Variants in ASTN2 observed in about 807,000 individuals in gnomAD.
ASTN2 encodes astrotactin 2, also known as astrotactin-2.
ASTN2 carries 54 observed loss-of-function variants against 139.8 expected under a neutral mutation model. That is an observed-to-expected ratio of 0.39 (90% CI 0.31 to 0.48). The LOEUF is 0.48. Among genes scored for constraint, ASTN2 ranks in the 20% least tolerant of loss-of-function variants. The pLI, the probability that ASTN2 is intolerant of heterozygous loss-of-function variation, is 0.95. For synonymous variants in ASTN2, 756 were observed against 719.5 expected, an observed-to-expected ratio of 1.05 and a Z score of -0.81; for missense variants, 1,565 against 1,725.1, an observed-to-expected ratio of 0.91 and a Z score of 1.64.
chr9:117,210,741 A>G (rs942469752), intron 3 of ASTN2, among the ~76,000 whole-genome samples: 1 of 152,122 alleles, frequency 6.6e-6, no homozygotes, highest in Non-Finnish European at 1.5e-5. Context: ...AAACCAAACA[A>G]GGACACACAC....
chr9:116,990,046 G>T (rs1198927814), intron 7 of ASTN2, among the ~76,000 whole-genome samples: 3 of 151,946 alleles, frequency 2.0e-5, no homozygotes, highest in African/African-American at 7.3e-5. Flanking sequence ...AGAATGCTCT[G>T]CAGTAAAAAT....
chr9:116,901,752 T>C lies in ASTN2; in HGVS notation c.1890-38019A>G, dbSNP rs570092900. Among the ~76,000 whole-genome samples, 15 of 152,336 alleles carry C rather than the reference T, an allele frequency of 9.8e-5. No homozygotes were observed. In the East Asian group the frequency reaches 1.2e-3, roughly 12 times the overall value. On this transcript the variant is annotated intron_variant, in intron 10 of 22. Coordinates refer to ENST00000313400, the MANE Select transcript of ASTN2 (RefSeq NM_001365068.1). Reference sequence around the variant, plus strand: ...TATATCTTTTAAAAGTTAACTGTTATAGGCCAGGCACGGTGGCTCACGCCT... The same window carrying C: ...TATATCTTTTAAAAGTTAACTGTTACAGGCCAGGCACGGTGGCTCACGCCT...
chr9:117,365,315 A>AGAAAGAAAGAAAGAAAGAAAG (rs1564168102), intron 1 of ASTN2, among the ~76,000 whole-genome samples: 4 of 147,480 alleles, frequency 2.7e-5, no homozygotes, highest in Admixed American at 2.7e-4. Flanking sequence ...AAGAAAGAAA[A>AGAAAGAAAGAAAGAAAGAAAG]AGAAAGAAAG....
At chr9:117,075,096 C>T (rs970295672) in intron 5 of ASTN2, among the ~76,000 whole-genome samples, 4 of 152,198 alleles carry the variant, frequency 2.6e-5, no homozygotes, top group Non-Finnish European at 5.9e-5. Context: ...CAAATGTTTT[C>T]AGAAGATGAC....
At chr9:117,115,333 A>G (rs914703419) in intron 4 of ASTN2, among the ~76,000 whole-genome samples, 4 of 151,952 alleles carry the variant, frequency 2.6e-5, no homozygotes, top group South Asian at 2.1e-4. Flanking sequence ...CATGGCCAAC[A>G]TGGTGAAACC....
chr9:117,334,950 G>T (rs989280345), intron 1 of ASTN2, among the ~76,000 whole-genome samples: 12 of 152,198 alleles, frequency 7.9e-5, no homozygotes, highest in African/African-American at 2.9e-4. Flanking sequence ...AGCTACTTAG[G>T]AGGCTGAGGC....
At chr9:117,003,848 A>G (rs748129027) in intron 7 of ASTN2, among the ~76,000 whole-genome samples, 9 of 151,752 alleles carry the variant, frequency 5.9e-5, no homozygotes, top group South Asian at 4.2e-4. Context: ...TAATGGAAAA[A>G]AAAATCTAAG....
At chr9:116,950,756 G>A (rs1835534374) in intron 10 of ASTN2, among the ~76,000 whole-genome samples, 1 of 151,942 alleles carries the variant, frequency 6.6e-6, no homozygotes, top group African/African-American at 2.4e-5. Flanking sequence ...GGAAAATTAG[G>A]TTACTAATAT....
At chr9:117,068,975 AT>A (rs1204368892) in intron 5 of ASTN2, among the ~76,000 whole-genome samples, 1 of 107,572 alleles carries the variant, frequency 9.3e-6, no homozygotes, top group Non-Finnish European at 1.9e-5. Context: ...GGATTCATTG[AT>A]TTTTTGAAGG....
intron 1 of ASTN2, among the ~76,000 whole-genome samples, chr9:117,400,920 G>A (rs1231631878): frequency 6.6e-6 from 1 of 152,124 alleles, no homozygotes; most frequent in Non-Finnish European, 1.5e-5. Context: ...TGGGTTCCAT[G>A]AGATCTTTAA....
Position 116,669,123 on chromosome 9 carries a change from C to A in ASTN2, c.2807-17330G>T, listed in dbSNP as rs756963311. On this transcript the variant is annotated intron_variant, in intron 16 of 22. Coordinates refer to ENST00000313400, the MANE Select transcript of ASTN2 (RefSeq NM_001365068.1). Reference sequence around the variant, plus strand: ...CCATAAGACATGTCCACCAGTGTGCCATGTCAGTTCACCATTGCCATGGCA... The same window carrying A: ...CCATAAGACATGTCCACCAGTGTGCAATGTCAGTTCACCATTGCCATGGCA... Among the ~76,000 whole-genome samples the A allele has an allele frequency of 5.7e-4, 87 of 152,292 alleles. 1 individual carries two copies. Among genetic ancestry groups the A allele is most frequent in the Non-Finnish European group, 5.6e-4 (38 of 68,026 alleles).
At chr9:117,075,824 C>A (rs1333685128) in intron 5 of ASTN2, among the ~76,000 whole-genome samples, 1 of 152,170 alleles carries the variant, frequency 6.6e-6, no homozygotes, top group Admixed American at 6.5e-5. Flanking sequence ...AGTTGCTTTT[C>A]CTCTCTGTGC....
At chr9:116,630,489 G>C (rs1484905491) in intron 17 of ASTN2, among the ~76,000 whole-genome samples, 1 of 152,018 alleles carries the variant, frequency 6.6e-6, no homozygotes, top group Non-Finnish European at 1.5e-5. Context: ...TCTCCAAACT[G>C]GTCATTTTTC....
chr9:116,772,225 CAT>C (rs1282744251), intron 13 of ASTN2, among the ~76,000 whole-genome samples: 1 of 152,186 alleles, frequency 6.6e-6, no homozygotes, highest in Non-Finnish European at 1.5e-5. Context: ...ATAATCCCCA[CAT>C]GTCACGGGAG....
intron 7 of ASTN2, among the ~76,000 whole-genome samples, chr9:116,989,233 TTGAG>T (rs1836774061): frequency 6.6e-6 from 1 of 152,204 alleles, no homozygotes; most frequent in Non-Finnish European, 1.5e-5. Flanking sequence ...AGAGTGCACT[TTGAG>T]TGCAATGGGC....
At chr9:117,234,515 C>T (rs751679444) in intron 2 of ASTN2, among the ~76,000 whole-genome samples, 22 of 152,128 alleles carry the variant, frequency 1.4e-4, no homozygotes, top group Admixed American at 1.0e-3. Flanking sequence ...AATATCAGAA[C>T]GGACAGGAAC....
intron 10 of ASTN2, among the ~76,000 whole-genome samples, chr9:116,915,086 G>A (rs16934052): frequency 0.015 from 2,245 of 152,194 alleles, 49 homozygotes; most frequent in African/African-American, 0.052. Context: ...CTTTTCTTAG[G>A]GATGCCTCAT....
In ASTN2 at chr9:116,957,049, ATT is replaced by A. The variant is rs527429954; in HGVS notation, c.1889+18157_1889+18158del. Among the ~76,000 whole-genome samples the A allele has an allele frequency of 8.9e-3, 1,267 of 141,718 alleles. 25 individuals are homozygous for A. The highest frequency in any genetic ancestry group is 0.03 in the African/African-American group (1,192 of 39,112). The allele number at this position is 141,718 out of a possible 152,430, so 93.0% of individuals were successfully genotyped here. A position where few individuals can be genotyped will look rare whatever the true frequency, so the allele number is the denominator to read the frequency against. On this transcript the variant is annotated intron_variant, in intron 10 of 22. Coordinates refer to ENST00000313400, the MANE Select transcript of ASTN2 (RefSeq NM_001365068.1). The stretch of plus-strand genomic sequence containing the variant: ...GCAGTCCCTATCAGATTCCCAGTTA[ATT>A]TTTTTTTTTTTTTTGCAGAAATTGA...
intron 10 of ASTN2, among the ~76,000 whole-genome samples, chr9:116,903,660 C>A (rs1056963661): frequency 6.6e-6 from 1 of 152,150 alleles, no homozygotes; most frequent in African/African-American, 2.4e-5. Flanking sequence ...TCTCTCTGGG[C>A]CTTAGGTTCC....
Sources: gnomAD v4.1 joint callset for allele counts (sites outside exome capture counted in the v4.1 genomes callset) on GRCh38, gnomAD v4.1.1 for gene constraint, MANE v1.5 for transcripts, NCBI Gene and HGNC (gene_info 2026-07-23, HGNC 2026-07-21) for gene names.